SHTN1: variants seen among roughly 807,000 people sequenced by gnomAD.
SHTN1 encodes shootin-1.
A neutral mutation model predicts 83.1 loss-of-function variants in SHTN1; 42 were observed. That is an observed-to-expected ratio of 0.51 (90% CI 0.39 to 0.65). The LOEUF (loss-of-function observed/expected upper bound fraction) is 0.65, where lower values mean the gene tolerates loss of function less well. Among genes scored for constraint, SHTN1 ranks in the 30% least tolerant of loss-of-function variants. The pLI is 0.00. For synonymous variants in SHTN1, 224 were observed against 247.7 expected (o/e 0.90, Z 0.90); for missense variants, 622 against 737.8 (o/e 0.84, Z 1.82).
At chr10:116,997,766 A>C (rs1851675690) in intron 1 of SHTN1, among the ~76,000 whole-genome samples, 1 of 152,140 alleles carries the variant, frequency 6.6e-6, no homozygotes, top group Non-Finnish European at 1.5e-5. Flanking sequence ...AGTCTTTGGC[A>C]GGAATTCACT....
intron 15 of SHTN1, among the ~76,000 whole-genome samples, chr10:116,903,507 A>G (rs965165262): frequency 2.0e-5 from 3 of 152,040 alleles, no homozygotes; most frequent in South Asian, 4.2e-4. Flanking sequence ...CCTGGGCGAC[A>G]AGAGAGACTT....
At chr10:117,085,751 T>C (rs1315271839) in intron 1 of SHTN1, among the ~76,000 whole-genome samples, 2 of 152,202 alleles carry the variant, frequency 1.3e-5, no homozygotes, top group Non-Finnish European at 2.9e-5. Flanking sequence ...ATTTGTCTAT[T>C]TCTCTTTGCA....
At chr10:116,949,057 C>T (rs940552635) in intron 6 of SHTN1, 60 bp from the exon 7 acceptor site, 26 of 1,428,678 alleles carry the variant, frequency 1.8e-5, no homozygotes, top group Non-Finnish European at 2.4e-5. Context: ...GGACATATGG[C>T]AATGTGTGAT....
In SHTN1 at chr10:117,067,662, T is replaced by C. The variant is rs185119195; in HGVS notation, c.-188-19152A>G. On this transcript the variant is annotated intron_variant, in intron 1 of 17. Transcript: ENST00000392901. Reference sequence around the variant, plus strand: ...TCAATCAATCAATCCCTGGCTGTCATGGAAAGAAGATCTGGAGGAGGAAGG... The same window carrying C: ...TCAATCAATCAATCCCTGGCTGTCACGGAAAGAAGATCTGGAGGAGGAAGG... Among the ~76,000 whole-genome samples the C allele has an allele frequency of 5.5e-3, 832 of 152,154 alleles. 2 individuals carry two copies. Among genetic ancestry groups the C allele is most frequent in the South Asian group, 6.7e-3 (32 of 4,804 alleles).
chr10:117,117,631 A>T (rs982786970), intron 1 of SHTN1, among the ~76,000 whole-genome samples: 8 of 152,200 alleles, frequency 5.3e-5, no homozygotes, highest in African/African-American at 1.9e-4. Flanking sequence ...ATACTATGTG[A>T]CTTCAAAATT....
intron 1 of SHTN1, among the ~76,000 whole-genome samples, chr10:116,996,282 A>C (rs1308010806): frequency 6.6e-6 from 1 of 152,050 alleles, no homozygotes; most frequent in African/African-American, 2.4e-5. Context: ...ATGGATCCTA[A>C]ATTCTTTTAG....
At chr10:117,009,865 T>G (rs1439911417), upstream of SHTN1, among the ~76,000 whole-genome samples, 1 of 151,564 alleles carries the variant, frequency 6.6e-6, no homozygotes, top group Non-Finnish European at 1.5e-5. Context: ...ATCGCGCCAC[T>G]GCACTCCAGC....
At chr10:117,002,309 T>C (rs1187173090) in intron 1 of SHTN1, among the ~76,000 whole-genome samples, 1 of 152,248 alleles carries the variant, frequency 6.6e-6, no homozygotes, top group African/African-American at 2.4e-5. Flanking sequence ...ACAAGGACTG[T>C]GTAGTTCACT....
intron 8 of SHTN1, 49 bp downstream of exon 8, chr10:116,944,875 G>C (rs1218954688): frequency 4.1e-6 from 5 of 1,207,804 alleles, no homozygotes; most frequent in Non-Finnish European, 6.1e-6. Context: ...TGGTGACAGA[G>C]CGAGACTCTG....
intron 13 of SHTN1, among the ~76,000 whole-genome samples, chr10:116,912,662 T>C (rs182392987): frequency 7.9e-5 from 12 of 152,262 alleles, no homozygotes; most frequent in African/African-American, 2.9e-4. Context: ...AAATTTAGCA[T>C]GAGGACCTCA....
intron 2 of SHTN1, among the ~76,000 whole-genome samples, chr10:116,973,230 AG>A (rs1390775821): frequency 6.6e-6 from 1 of 152,222 alleles, no homozygotes; most frequent in Non-Finnish European, 1.5e-5. Flanking sequence ...ACGTTATGCA[AG>A]AAAAACCTCA....
chr10:117,049,376 C>A (rs1348813352), intron 1 of SHTN1, among the ~76,000 whole-genome samples: 39 of 149,028 alleles, frequency 2.6e-4, no homozygotes, highest in Non-Finnish European at 4.3e-4. Flanking sequence ...ACAACAACAA[C>A]AACAAAAAAA....
At chr10:117,055,200 C>A (rs946116968) in intron 1 of SHTN1, among the ~76,000 whole-genome samples, 1 of 152,190 alleles carries the variant, frequency 6.6e-6, no homozygotes, top group Non-Finnish European at 1.5e-5. Flanking sequence ...CCCCATGATC[C>A]AATCACCTCC....
intron 16 of SHTN1, among the ~76,000 whole-genome samples, chr10:116,889,470 G>A (rs534782460): frequency 7.9e-5 from 12 of 152,316 alleles, no homozygotes; most frequent in African/African-American, 2.4e-4. Context: ...TGGAGGGAGA[G>A]TGACTGGTTT....
At chr10:117,104,641 G>T (rs1853647079) in intron 1 of SHTN1, among the ~76,000 whole-genome samples, 1 of 152,102 alleles carries the variant, frequency 6.6e-6, no homozygotes. Flanking sequence ...GGGCGTGGTG[G>T]TGGGCGCCTG....
chr10:116,907,823 T>A lies in SHTN1; in HGVS notation c.1360-1076A>T, dbSNP rs762420998. ...CTTCATGCCAGAGTCAAAAGACAGC[T>A]TTTGTCCACCAAGGCTAATAATCTT... is the stretch of plus-strand genomic sequence containing the variant. On this transcript the variant is annotated intron_variant, in intron 14 of 16. Transcript: ENST00000355371. The A allele has an allele frequency of 7.4e-5, 37 of 502,366 alleles. 1 individual carries two copies. The highest frequency in any genetic ancestry group is 5.1e-4 in the South Asian group (35 of 68,254). The allele number at this position is 502,366 out of a possible 1,614,324, so 31.1% of individuals were successfully genotyped here.
At chr10:117,093,642 C>T (rs1853465539) in intron 1 of SHTN1, among the ~76,000 whole-genome samples, 2 of 152,294 alleles carry the variant, frequency 1.3e-5, no homozygotes, top group East Asian at 1.9e-4. Flanking sequence ...AGGCTACGGA[C>T]TTTTTCACGA....
intron 16 of SHTN1, 100 bp from the exon 17 acceptor site, chr10:116,886,666 C>A: frequency 6.6e-7 from 1 of 1,509,434 alleles, no homozygotes; most frequent in Non-Finnish European, 9.0e-7. Flanking sequence ...CCAAAATGTT[C>A]TAAGTCTAAT....
intron 1 of SHTN1, among the ~76,000 whole-genome samples, chr10:116,990,480 A>G (rs982052193): frequency 7.9e-5 from 12 of 151,956 alleles, no homozygotes; most frequent in African/African-American, 2.7e-4. Context: ...TAGGAGTCTA[A>G]AACATGTTTG....
Sources: allele counts gnomAD v4.1 joint callset (sites outside exome capture counted in the v4.1 genomes callset), GRCh38; gene constraint gnomAD v4.1.1; transcripts MANE v1.5; gene names NCBI Gene and HGNC (gene_info 2026-07-23, HGNC 2026-07-21).